Variants in LRFN5 observed in about 807,000 individuals in gnomAD.
The protein encoded by LRFN5 is leucine rich repeat and fibronectin type III domain containing 5.
LRFN5 carries 24 observed loss-of-function variants against 45.6 expected under a neutral mutation model. That is an observed-to-expected ratio of 0.53 (90% CI 0.38 to 0.74). The LOEUF (loss-of-function observed/expected upper bound fraction) is 0.74, where lower values mean the gene tolerates loss of function less well. Ranked by LOEUF, LRFN5 falls within the 30% of genes least tolerant of loss-of-function variation. The pLI, the probability that LRFN5 is intolerant of heterozygous loss-of-function variation, is 0.00. For missense variants in LRFN5, 776 were observed against 861.5 expected (o/e 0.90, Z 1.24); for synonymous variants, 340 against 313.8 (o/e 1.08, Z -0.88).
At chr14:41,638,429 T>G (rs577000261) in intron 1 of LRFN5, among the ~76,000 whole-genome samples, 11 of 152,224 alleles carry the variant, frequency 7.2e-5, no homozygotes, top group African/African-American at 2.6e-4. Context: ...AGGACAGCCC[T>G]TCCCATTATT....
intron 2 of LRFN5, among the ~76,000 whole-genome samples, chr14:41,879,405 T>G (rs528646735): frequency 6.6e-6 from 1 of 152,128 alleles, no homozygotes; most frequent in African/African-American, 2.4e-5. Context: ...GTGGCAAGAA[T>G]AGCATGAAGA....
In LRFN5 at chr14:41,608,465, C is replaced by G. The variant is rs1193176048; in HGVS notation, c.-294C>G. ...GGGCAGCGAAGTGACGAGCGAGACC[C>G]GCGTACGACTGTGAAAGCCACCTGG... On this transcript the variant is annotated 5_prime_UTR_variant, in exon 1 of 6. Transcript: ENST00000298119. 1 of 152,664 alleles carries G rather than the reference C, an allele frequency of 6.6e-6. No individual in the cohort carries two copies. The highest frequency in any genetic ancestry group is 1.5e-5 in the Non-Finnish European group (1 of 68,080). The allele number at this position is 152,664 out of a possible 1,614,324, so 9.5% of individuals were successfully genotyped here. A position where few individuals can be genotyped will look rare whatever the true frequency, so the allele number is the denominator to read the frequency against.
chr14:41,795,334 G>C (rs1321513576), intron 2 of LRFN5, among the ~76,000 whole-genome samples: 1 of 152,130 alleles, frequency 6.6e-6, no homozygotes, highest in Non-Finnish European at 1.5e-5. Flanking sequence ...TGGTGGGACT[G>C]TAAACTAGTT....
chr14:41,679,088 C>T (rs1881769437), intron 1 of LRFN5, among the ~76,000 whole-genome samples: 2 of 152,116 alleles, frequency 1.3e-5, no homozygotes, highest in Admixed American at 1.3e-4. Flanking sequence ...AATCATCAAT[C>T]CCAGGGGTTG....
chr14:41,863,075 AG>A lies in LRFN5; in HGVS notation c.-20-23529del, dbSNP rs368552838. Among the ~76,000 whole-genome samples, 876 of 152,136 alleles carry A rather than the reference AG, an allele frequency of 5.8e-3. 12 individuals carry two copies. The highest frequency in any genetic ancestry group is 0.02 in the African/African-American group (838 of 41,518). On this transcript the variant is annotated intron_variant, in intron 2 of 5. Coordinates refer to ENST00000298119, the MANE Select transcript of LRFN5 (RefSeq NM_152447.5). Reference sequence around the variant, plus strand: ...GAGACGGAGTTTCACCGTATTAGCCAGGATGGTCTCGATCTCCTGACCTTGT... The same window carrying A: ...GAGACGGAGTTTCACCGTATTAGCCAGATGGTCTCGATCTCCTGACCTTGT...
intron 1 of LRFN5, among the ~76,000 whole-genome samples, chr14:41,611,665 C>T (rs960090403): frequency 6.6e-6 from 1 of 152,076 alleles, no homozygotes; most frequent in African/African-American, 2.4e-5. Context: ...GGAGAATGAC[C>T]TTGAACACCA....
intron 2 of LRFN5, among the ~76,000 whole-genome samples, chr14:41,771,864 G>A (rs928523026): frequency 6.6e-6 from 1 of 152,104 alleles, no homozygotes; most frequent in African/African-American, 2.4e-5. Flanking sequence ...CACATTTTCA[G>A]TTATCTTTAT....
chr14:41,821,860 T>G (rs1241777), intron 2 of LRFN5, among the ~76,000 whole-genome samples: 77,771 of 150,928 alleles, frequency 0.52, 20,912 homozygotes, highest in African/African-American at 0.63. Context: ...TCTACTCAAG[T>G]TTTCTATTTC....
At chr14:41,756,488 C>G (rs1885389643) in intron 1 of LRFN5, among the ~76,000 whole-genome samples, 1 of 152,104 alleles carries the variant, frequency 6.6e-6, no homozygotes, top group South Asian at 2.1e-4. Context: ...TTTCTCTAAA[C>G]TTGTCTTCTC....
chr14:41,825,982 C>A (rs572656435), intron 2 of LRFN5, among the ~76,000 whole-genome samples: 4 of 152,266 alleles, frequency 2.6e-5, no homozygotes, highest in African/African-American at 7.2e-5. Context: ...TTCTCAGCAC[C>A]CCATTTTCTT....
At chr14:41,858,774 A>G (rs12147613) in intron 2 of LRFN5, among the ~76,000 whole-genome samples, 2,584 of 152,268 alleles carry the variant, frequency 0.017, 42 homozygotes, top group Non-Finnish European at 0.025. Context: ...ACTACACAAA[A>G]AAAATCATGA....
chr14:41,632,495 C>T lies in LRFN5; in HGVS notation c.-197+23933C>T, dbSNP rs558601552. Among the ~76,000 whole-genome samples the T allele has an allele frequency of 2.6e-5, 4 of 152,078 alleles. No homozygotes were observed. In the East Asian group the frequency reaches 7.7e-4, roughly 29 times the overall value. The stretch of plus-strand genomic sequence containing the variant: ...GTATGCACCTTTAATCCCAGCTACT[C>T]GGGAGGCTAAGGGAGGAGAATTTCT... On this transcript the variant is annotated intron_variant, in intron 1 of 5. Transcript: ENST00000298119.
At chr14:41,883,809 G>A (rs1890470843) in intron 2 of LRFN5, among the ~76,000 whole-genome samples, 1 of 151,976 alleles carries the variant, frequency 6.6e-6, no homozygotes, top group Admixed American at 6.5e-5. Flanking sequence ...TGTTGAGCTT[G>A]GATTTATAGA....
At chr14:41,848,818 C>T (rs1378894950) in intron 2 of LRFN5, among the ~76,000 whole-genome samples, 1 of 152,024 alleles carries the variant, frequency 6.6e-6, no homozygotes, top group Non-Finnish European at 1.5e-5. Context: ...ATACAACAGG[C>T]TTCTTGTGCC....
At chr14:41,846,925 G>T (rs1889089474) in intron 2 of LRFN5, among the ~76,000 whole-genome samples, 1 of 152,014 alleles carries the variant, frequency 6.6e-6, no homozygotes, top group Admixed American at 6.6e-5. Flanking sequence ...ACAAAGTTGG[G>T]CCCCGTCCCC....
At chr14:41,884,985 A>T (rs1449247327) in intron 2 of LRFN5, among the ~76,000 whole-genome samples, 1 of 152,156 alleles carries the variant, frequency 6.6e-6, no homozygotes. Context: ...GGATGATTTC[A>T]TATTTATATT....
intron 1 of LRFN5, among the ~76,000 whole-genome samples, chr14:41,691,885 A>T (rs1207918334): frequency 6.6e-6 from 1 of 152,042 alleles, no homozygotes; most frequent in Non-Finnish European, 1.5e-5. Context: ...AGTTTCATCA[A>T]TATTAGTGTA....
chr14:41,846,076 G>A (rs959112655), intron 2 of LRFN5, among the ~76,000 whole-genome samples: 8 of 152,208 alleles, frequency 5.3e-5, no homozygotes, highest in Admixed American at 1.3e-4. Context: ...GTTGCATGGC[G>A]GTGAATGCAA....
chr14:41,710,196 T>A (rs1460409572), intron 1 of LRFN5, among the ~76,000 whole-genome samples: 3 of 152,168 alleles, frequency 2.0e-5, no homozygotes, highest in African/African-American at 7.2e-5. Flanking sequence ...TGTTCCAATA[T>A]AATACTGCAA....
Sources: allele counts gnomAD v4.1 joint callset (sites outside exome capture counted in the v4.1 genomes callset), GRCh38; gene constraint gnomAD v4.1.1; transcripts MANE v1.5; gene names NCBI Gene and HGNC (gene_info 2026-07-23, HGNC 2026-07-21).